RNF144A: variants seen among roughly 807,000 people sequenced by gnomAD.
RNF144A encodes the protein E3 ubiquitin-protein ligase RNF144A.
Under a neutral mutation model 38.7 loss-of-function variants are expected in RNF144A, and 11 were observed. The ratio of observed to expected loss-of-function variants is 0.28; its 90% CI spans 0.18 to 0.47. The LOEUF is 0.47. Ranked by LOEUF, RNF144A falls within the 20% of genes least tolerant of loss-of-function variation. The pLI, the probability that RNF144A is intolerant of heterozygous loss-of-function variation, is 0.99. For missense variants in RNF144A, 316 were observed against 377.2 expected (o/e 0.84, Z 1.34); for synonymous variants, 149 against 143.9 (o/e 1.04, Z -0.25).
At chr2:7,025,306 G>A (rs1183459059) in intron 7 of RNF144A, among the ~76,000 whole-genome samples, 3 of 152,198 alleles carry the variant, frequency 2.0e-5, no homozygotes, top group Non-Finnish European at 4.4e-5. Context: ...CCATATTAGG[G>A]CGTGGGCATC....
intron 6 of RNF144A, among the ~76,000 whole-genome samples, chr2:7,050,118 G>C (rs1558464803): frequency 1.3e-5 from 2 of 152,136 alleles, no homozygotes; most frequent in Non-Finnish European, 2.9e-5. Context: ...CTGGTTCCCT[G>C]TCCTCAGTTC....
chr2:6,995,964 A>G (rs535834618), intron 2 of RNF144A, among the ~76,000 whole-genome samples: 33 of 134,900 alleles, frequency 2.4e-4, no homozygotes, highest in African/African-American at 8.0e-4. Flanking sequence ...CCTCTGTGAG[A>G]GGGGATTATC....
intron 8 of RNF144A, among the ~76,000 whole-genome samples, chr2:7,037,448 G>C (rs186751734): frequency 1.2e-4 from 19 of 152,290 alleles, no homozygotes; most frequent in Admixed American, 7.2e-4. Flanking sequence ...CTTCAAATAG[G>C]GTAGAGCTTA....
intron 2 of RNF144A, among the ~76,000 whole-genome samples, chr2:6,988,490 T>C (rs2103375183): frequency 6.6e-6 from 1 of 152,308 alleles, no homozygotes; most frequent in Middle Eastern, 3.4e-3. Flanking sequence ...TATTCTTGAA[T>C]TGGGATTTAT....
intron 6 of RNF144A, among the ~76,000 whole-genome samples, chr2:7,059,497 A>G (rs963378570): frequency 3.3e-5 from 5 of 152,174 alleles, no homozygotes; most frequent in African/African-American, 9.7e-5. Context: ...ATCTATGCTC[A>G]TGTTGTCTGG....
At chr2:6,965,419 G>A (rs1667605266) in intron 2 of RNF144A, among the ~76,000 whole-genome samples, 1 of 152,180 alleles carries the variant, frequency 6.6e-6, no homozygotes, top group Non-Finnish European at 1.5e-5. Flanking sequence ...TCCCGTGTAC[G>A]GAGAGCAACT....
At chr2:7,020,290 A>G (rs1016627715) in intron 5 of RNF144A, among the ~76,000 whole-genome samples, 183 bp from the exon 6 acceptor site, 1 of 152,114 alleles carries the variant, frequency 6.6e-6, no homozygotes, top group Non-Finnish European at 1.5e-5. Context: ...GAAGTTGGGA[A>G]GAGCTACAGC....
At chr2:6,997,220 T>C (rs1669807446) in intron 3 of RNF144A, among the ~76,000 whole-genome samples, 159 bp downstream of exon 3, 1 of 152,194 alleles carries the variant, frequency 6.6e-6, no homozygotes, top group Admixed American at 6.5e-5. Context: ...ATTATTCTGT[T>C]AGTCAGGCAG....
In RNF144A at chr2:7,014,694, C is replaced by A; in HGVS notation, c.241-18C>A. ...CTCAGCTTGTTATCATTCCTGTTTG[C>A]ATTTTTTTTTCCCTTAGATTGAGTG... On this transcript the variant is annotated intron_variant, in intron 4 of 8. Transcript: ENST00000320892. 1.4e-6 allele frequency: 2 copies of A among 1,471,290 alleles called. No homozygotes were observed. The highest frequency in any genetic ancestry group is 9.4e-7 in the Non-Finnish European group (1 of 1,059,810). The allele number at this position is 1,471,290 out of a possible 1,614,324, so 91.1% of individuals were successfully genotyped here.
intron 6 of RNF144A, among the ~76,000 whole-genome samples, chr2:7,067,432 T>C (rs1177339495): frequency 2.0e-5 from 3 of 152,184 alleles, no homozygotes; most frequent in African/African-American, 7.2e-5. Flanking sequence ...TCTATCAACT[T>C]GCCACTGCCT....
rs537651343 is a variant in RNF144A, at chr2:7,027,530, A to C, written c.658-2596A>C. Among the ~76,000 whole-genome samples the C allele has an allele frequency of 9.0e-4, 137 of 152,198 alleles. 1 individual carries two copies. Among genetic ancestry groups the C allele is most frequent in the Non-Finnish European group, 1.6e-3 (108 of 68,040 alleles). ...TCAGCCATCAGTCCCTGATCTGTCA[A>C]ACTCTAAAAACCACATCTTTGTGTT... On this transcript the variant is annotated intron_variant, in intron 7 of 8. Coordinates refer to ENST00000320892, the MANE Select transcript of RNF144A (RefSeq NM_014746.6).
chr2:7,076,159 C>A, the RNF144A span, among the ~76,000 whole-genome samples: 1 of 152,158 alleles, frequency 6.6e-6, no homozygotes, highest in Admixed American at 6.5e-5. Context: ...TTCCCTAGGG[C>A]TTGCTGAGGG....
intron 6 of RNF144A, among the ~76,000 whole-genome samples, chr2:7,052,816 C>T (rs1673581849): frequency 6.8e-6 from 1 of 147,408 alleles, no homozygotes; most frequent in Admixed American, 6.8e-5. Context: ...AGAAGGATTC[C>T]TGCACAGGAG....
chr2:7,065,976 G>A (rs1168258055), intron 6 of RNF144A, among the ~76,000 whole-genome samples: 1 of 152,128 alleles, frequency 6.6e-6, no homozygotes, highest in Non-Finnish European at 1.5e-5. Context: ...GAATTACACG[G>A]GACTGAATGA....
At position 7,014,576 on chromosome 2, in the gene RNF144A, G is replaced by C. The variant is rs374721864; in HGVS notation, c.240+18G>C. On this transcript the variant is annotated intron_variant, in intron 4 of 8. Transcript: ENST00000320892. ...AGAACGAGGCATGTGCAATTGAACA[G>C]ACTGGGCTGTTTGATGTGCACAGGC... 3.0e-4 allele frequency: 475 copies of C among 1,579,296 alleles called. 3 individuals are homozygous for C. Among genetic ancestry groups the C allele is most frequent in the Non-Finnish European group, 1.8e-4 (209 of 1,156,208 alleles).
At position 6,941,673 on chromosome 2, in the gene RNF144A, A is replaced by G. The variant is rs73914439; in HGVS notation, c.-12+526A>G. 0.079 allele frequency among the ~76,000 whole-genome samples: 11,962 copies of G among 152,348 alleles called. 1,629 individuals are homozygous for G. The highest frequency in any genetic ancestry group is 0.27 in the African/African-American group (11,413 of 41,560). ...GGCCTAGATATTGTAGAGAAAAGAAAAAGTAGACCATGTCTAGTACGACGG... is the reference window on the plus strand; with the variant it reads ...GGCCTAGATATTGTAGAGAAAAGAAGAAGTAGACCATGTCTAGTACGACGG... On this transcript the variant is annotated intron_variant, in intron 2 of 8. Transcript: ENST00000320892. This position sits in a 1 kb window ranked among gnomAD's most constrained non-coding sequence, Gnocchi z 6.5.
chr2:6,975,936 C>A (rs974441332), intron 2 of RNF144A, among the ~76,000 whole-genome samples: 3 of 152,374 alleles, frequency 2.0e-5, no homozygotes, highest in African/African-American at 7.2e-5. Flanking sequence ...TTTCACTTAA[C>A]ACATTTTGCA....
intron 6 of RNF144A, among the ~76,000 whole-genome samples, chr2:7,050,895 T>C (rs567457197): frequency 6.6e-6 from 1 of 152,334 alleles, no homozygotes; most frequent in Non-Finnish European, 1.5e-5. Flanking sequence ...ACCCCGTCTA[T>C]ATTTATAAAC....
intron 2 of RNF144A, among the ~76,000 whole-genome samples, chr2:6,948,789 C>T (rs1666498083): frequency 6.6e-6 from 1 of 152,110 alleles, no homozygotes; most frequent in South Asian, 2.1e-4. Context: ...CATTTCTGGA[C>T]ATTGGTGTTT....
Sources: allele counts gnomAD v4.1 joint callset (sites outside exome capture counted in the v4.1 genomes callset), GRCh38; gene constraint gnomAD v4.1.1; non-coding constraint Gnocchi (gnomAD v3.1); transcripts MANE v1.5; gene names NCBI Gene and HGNC (gene_info 2026-07-23, HGNC 2026-07-21).